The following AATK variants were observed in gnomAD, a reference collection of about 807,000 sequenced individuals.
AATK encodes serine/threonine-protein kinase LMTK1.
A neutral mutation model predicts 114.3 loss-of-function variants in AATK; 91 were observed. That is an observed-to-expected ratio of 0.80 (90% confidence interval 0.67 to 0.95). AATK has a LOEUF of 0.95. AATK is among the 40% of genes least tolerant of loss of function. The pLI is 0.00. For missense variants in AATK, 2,176 were observed against 1,965.2 expected (o/e 1.11, Z -2.03); for synonymous variants, 1,075 against 916.5 (o/e 1.17, Z -3.12).
Position 81,120,904 on chromosome 17 carries a change from G to A in AATK, c.3032C>T (p.Pro1011Leu), listed in dbSNP as rs2060690988. Reference sequence around the variant, plus strand: ...TCGGTCCCCGCCGCACTTCTTCTCTGGGCCTGAGGTGGCCTCGGCCTCAGC... The same window carrying A: ...TCGGTCCCCGCCGCACTTCTTCTCTAGGCCTGAGGTGGCCTCGGCCTCAGC... ...LEAEAEATSG[P>L]EKKCGGDRAP... Residue 1011 changes from proline to leucine, a missense_variant, in exon 11 of 14, where the codon CCA becomes CTA. Pro to Leu is a moderately conservative substitution (Grantham distance 98, BLOSUM62 -3). This residue lies in a region of AATK where 1,701 missense variants were observed against 1,394.7 expected (regional missense o/e 1.22). Transcript: ENST00000326724. 1.3e-6 allele frequency: 2 copies of A among 1,594,500 alleles called. No individual in the cohort carries two copies. Among genetic ancestry groups the A allele is most frequent in the Non-Finnish European group, 1.7e-6 (2 of 1,171,086 alleles).
chr17:81,155,009 T>C (rs1197942351), intron 1 of AATK, among the ~76,000 whole-genome samples: 1 of 152,212 alleles, frequency 6.6e-6, no homozygotes, highest in African/African-American at 2.4e-5. Context: ...TCATTTCCAG[T>C]GCTGGAGGTG....
intron 1 of AATK, among the ~76,000 whole-genome samples, chr17:81,134,883 C>T (rs1314812623): frequency 6.6e-6 from 1 of 152,196 alleles, no homozygotes; most frequent in East Asian, 1.9e-4. Flanking sequence ...GGGAAGGGAA[C>T]ATGGACTCTG....
At position 81,122,466 on chromosome 17, in the gene AATK, G is replaced by A; in HGVS notation, c.1470C>T (p.Phe490=). Residue 490 remains phenylalanine, a synonymous_variant, in exon 11 of 14, where the codon TTC becomes TTT. Coordinates refer to ENST00000326724, the MANE Select transcript of AATK (RefSeq NM_001080395.3). The part of the protein sequence containing the change: ...KWEAGRGAEA[F]PATLSPGRTA... ...TGCGGCCAGGGCTCAGCGTGGCCGGGAAGGCCTCCGCGCCGCGGCCCGCCT... is the reference window on the plus strand; with the variant it reads ...TGCGGCCAGGGCTCAGCGTGGCCGGAAAGGCCTCCGCGCCGCGGCCCGCCT... 6.9e-7 allele frequency: 1 copy of A among 1,452,120 alleles called. No homozygotes were observed. The allele number at this position is 1,452,120 out of a possible 1,614,324, so 90.0% of individuals were successfully genotyped here. A position where few individuals can be genotyped will look rare whatever the true frequency, so the allele number is the denominator to read the frequency against.
chr17:81,137,264 A>G (rs551184218), intron 1 of AATK, among the ~76,000 whole-genome samples: 1 of 151,290 alleles, frequency 6.6e-6, no homozygotes, highest in African/African-American at 2.4e-5. Flanking sequence ...CCTTAAAAAA[A>G]AAAAAAAAAG....
Position 81,122,240 on chromosome 17 carries a change from C to CA in AATK, c.1695_1696insT (p.Gly566TrpfsTer98), listed in dbSNP as rs2060708952. 1 of 1,492,402 alleles carries CA rather than the reference C, an allele frequency of 6.7e-7. No individual in the cohort carries two copies. The highest frequency in any genetic ancestry group is 1.4e-5 in the African/African-American group (1 of 70,890). The allele number at this position is 1,492,402 out of a possible 1,614,324, so 92.4% of individuals were successfully genotyped here. A position where few individuals can be genotyped will look rare whatever the true frequency, so the allele number is the denominator to read the frequency against. On this transcript the variant is annotated frameshift_variant, in exon 11 of 14. Coordinates refer to ENST00000326724, the MANE Select transcript of AATK (RefSeq NM_001080395.3). LOFTEE classifies it high-confidence loss of function. ...ATGGCCAGCGAGGCGGCGGTGCTGC[C>CA]GTCAGAGTCGTCGTCCTGGTCCGCG...
intron 1 of AATK, among the ~76,000 whole-genome samples, chr17:81,159,428 C>T (rs1241592976): frequency 5.3e-5 from 8 of 152,090 alleles, no homozygotes; most frequent in Non-Finnish European, 1.2e-4. Context: ...AAATCCAATG[C>T]GGGGAAGCCC....
rs769446785 is a variant in AATK, at chr17:81,124,756, G to A, written c.933C>T (p.Val311=). 48 of 1,612,788 alleles carry A rather than the reference G, an allele frequency of 3.0e-5. No homozygotes were observed. Among genetic ancestry groups the A allele is most frequent in the East Asian group, 4.5e-5 (2 of 44,890 alleles). ...LVDEVHSNLL[V]VDQTKSGNVW... ...CATTCCCGCTCTTGGTCTGGTCCACGACGAGCAGGTTGCTATGCACCTCGT... is the reference window on the plus strand; with the variant it reads ...CATTCCCGCTCTTGGTCTGGTCCACAACGAGCAGGTTGCTATGCACCTCGT... Residue 311 remains valine, a synonymous_variant, in exon 9 of 14, where the codon GTC becomes GTT. Transcript: ENST00000326724.
intron 3 of AATK, among the ~76,000 whole-genome samples, chr17:81,129,362 G>A (rs117304509): frequency 0.049 from 7,448 of 152,216 alleles, 247 homozygotes; most frequent in South Asian, 0.11. Flanking sequence ...TCACCCTGGG[G>A]CGCCCAGGCC....
chr17:81,153,729 G>T (rs1056424015), intron 1 of AATK, among the ~76,000 whole-genome samples: 2 of 152,180 alleles, frequency 1.3e-5, no homozygotes, highest in African/African-American at 4.8e-5. Flanking sequence ...TGGCACAGAA[G>T]ACAGGAGAAT....
At chr17:81,132,756 T>A in intron 2 of AATK, 1 of 236,096 alleles carries the variant, frequency 4.2e-6, no homozygotes, top group East Asian at 1.4e-4. Flanking sequence ...TCAGCACAGC[T>A]CCCCACCAGG....
chr17:81,123,264 C>A lies in AATK; in HGVS notation c.1042G>T (p.Ala348Ser). 1 of 1,407,124 alleles carries A rather than the reference C, an allele frequency of 7.1e-7. No individual in the cohort carries two copies. Among genetic ancestry groups the A allele is most frequent in the Non-Finnish European group, 9.3e-7 (1 of 1,080,114 alleles). 87.2% of individuals were successfully genotyped at this position (1,407,124 alleles called of 1,614,324 possible). ...AGCTGCTGCTCCCGGACCGTGTACG[C>A]CAGCACCTGCTGGTCCGAGTGCTGG... ...YPQHSDQQVL[A>S]YTVREQQLKL... The change falls in exon 10 of 14, where the codon GCG (alanine) becomes TCG (serine). Residue 348 changes from alanine (A) to serine (S), a missense_variant. Ala to Ser is a moderately conservative substitution (Grantham distance 99, BLOSUM62 1). Around this residue, in one of 4 missense-constraint regions of AATK, gnomAD observed 273 missense variants for 344.1 expected, o/e 0.79. Coordinates refer to ENST00000326724, the MANE Select transcript of AATK (RefSeq NM_001080395.3).
chr17:81,158,236 C>A (rs902307055), intron 1 of AATK, among the ~76,000 whole-genome samples: 5 of 152,242 alleles, frequency 3.3e-5, no homozygotes, highest in African/African-American at 1.2e-4. Flanking sequence ...GAGAGCAGGG[C>A]GGGGCCCAGC....
At chr17:81,138,609 A>C (rs1051672223) in intron 1 of AATK, among the ~76,000 whole-genome samples, 2 of 141,564 alleles carry the variant, frequency 1.4e-5, no homozygotes, top group Non-Finnish European at 3.1e-5. Flanking sequence ...CACACGCACA[A>C]CACACACACA....
intron 1 of AATK, among the ~76,000 whole-genome samples, chr17:81,141,344 G>C (rs1335361985): frequency 2.0e-5 from 3 of 152,164 alleles, no homozygotes; most frequent in African/African-American, 7.2e-5. Flanking sequence ...CCAGCTACCT[G>C]GGAGGCTGAG....
chr17:81,155,539 C>A (rs1487693557), intron 1 of AATK, among the ~76,000 whole-genome samples: 1 of 152,140 alleles, frequency 6.6e-6, no homozygotes, highest in African/African-American at 2.4e-5. Flanking sequence ...ATGCCCGCCA[C>A]CATGCCTGGC....
intron 1 of AATK, among the ~76,000 whole-genome samples, chr17:81,137,767 CGT>C (rs1345851217): frequency 1.3e-5 from 2 of 151,844 alleles, no homozygotes; most frequent in Non-Finnish European, 2.9e-5. Context: ...TACAACCATA[CGT>C]GTGACCATGT....
chr17:81,153,332 G>A (rs1362472861), intron 1 of AATK, among the ~76,000 whole-genome samples: 22 of 152,224 alleles, frequency 1.4e-4, no homozygotes, highest in Admixed American at 5.9e-4. Context: ...AACCATGACA[G>A]ATTTGGAATT....
Position 81,119,572 on chromosome 17 carries a change from A to C in AATK, c.3892T>G (p.Phe1298Val). Residue 1298 changes from phenylalanine (F) to valine (V), a missense_variant, in exon 13 of 14, where the codon TTC (phenylalanine) becomes GTC (valine). Phe to Val is a conservative substitution (Grantham distance 50, BLOSUM62 -1). Coordinates refer to ENST00000326724, the MANE Select transcript of AATK (RefSeq NM_001080395.3). ...NGSTAEEGGG[F>V]AWDDDFPLMT... ...AGCGGGAAGTCGTCGTCCCACGCGA[A>C]CCCACCACCTGCAGCCCAGGTCGCG... 14 of 1,571,690 alleles carry C rather than the reference A, an allele frequency of 8.9e-6. No individual in the cohort carries two copies. The highest frequency in any genetic ancestry group is 2.4e-5 in the East Asian group (1 of 41,472).
rs1567819874 is a variant in AATK at position 81,140,920 on chromosome 17, T to TGAGCCGTG, written c.56-6420_56-6419insCACGGCTC. 2.1e-3 allele frequency among the ~76,000 whole-genome samples: 123 copies of TGAGCCGTG among 59,144 alleles called. 6 individuals are homozygous for TGAGCCGTG. Among genetic ancestry groups the TGAGCCGTG allele is most frequent in the South Asian group, 0.011 (15 of 1,404 alleles). The allele number at this position is 59,144 out of a possible 152,430, so 38.8% of individuals were successfully genotyped here. On this transcript the variant is annotated intron_variant, in intron 1 of 13. Coordinates refer to ENST00000326724, the MANE Select transcript of AATK (RefSeq NM_001080395.3). ...TGTGAGCCGTGGGGCCGTGGGGCCG[T>TGAGCCGTG]GGGACCGTGGGACCATGGGGCCGTG... is the stretch of plus-strand genomic sequence containing the variant.
Sources: allele counts gnomAD v4.1 joint callset (sites outside exome capture counted in the v4.1 genomes callset), GRCh38; gene constraint gnomAD v4.1.1; regional missense constraint gnomAD v4.1.1; transcripts MANE v1.5; gene names NCBI Gene and HGNC (gene_info 2026-07-23, HGNC 2026-07-21).